The following PAK2 variants were observed in gnomAD, a reference collection of about 807,000 sequenced individuals.
PAK2 encodes the protein serine/threonine-protein kinase PAK 2.
PAK2 carries 21 observed loss-of-function variants against 65.9 expected under a neutral mutation model. The observed-to-expected ratio is 0.32, with a 90% CI of 0.23 to 0.46. PAK2 has a LOEUF of 0.46. PAK2 is among the 20% of genes least tolerant of loss of function. PAK2 has a pLI of 1.00. For missense variants in PAK2, 324 were observed against 642.6 expected (o/e 0.50, Z 5.36); for synonymous variants, 204 against 219.7 (o/e 0.93, Z 0.63).
chr3:196,753,865 T>C (rs938576922), intron 1 of PAK2, among the ~76,000 whole-genome samples: 1 of 152,222 alleles, frequency 6.6e-6, no homozygotes, highest in Admixed American at 6.5e-5. Flanking sequence ...TAGTTCCTTA[T>C]GATCTTTGTA....
chr3:196,807,519 G>T (rs942663458), intron 6 of PAK2, among the ~76,000 whole-genome samples: 1 of 152,018 alleles, frequency 6.6e-6, no homozygotes, highest in African/African-American at 2.4e-5. Flanking sequence ...TTTAGACCTG[G>T]TCACACTTAA....
At chr3:196,821,761 T>A (rs78260806) in intron 13 of PAK2, among the ~76,000 whole-genome samples, 4,906 of 146,794 alleles carry the variant, frequency 0.033, 113 homozygotes, top group Non-Finnish European at 0.052. Flanking sequence ...AAATGGTACA[T>A]CTGCTTTGGA....
At position 196,829,580 on chromosome 3, in the gene PAK2, T is replaced by C. The variant is rs1041139550; in HGVS notation, c.*1175T>C. The C allele has an allele frequency of 1.3e-5, 2 of 152,152 alleles. No homozygotes were observed. The highest frequency in any genetic ancestry group is 6.5e-5 in the Admixed American group (1 of 15,270). 9.4% of individuals were successfully genotyped at this position (152,152 alleles called of 1,614,324 possible). A position where few individuals can be genotyped will look rare whatever the true frequency, so the allele number is the denominator to read the frequency against. On this transcript the variant is annotated 3_prime_UTR_variant, in exon 15 of 15. Coordinates refer to ENST00000327134, the MANE Select transcript of PAK2 (RefSeq NM_002577.4). ...AGATTATACTCATGAAAGAGAATGT[T>C]AGTGTTACAGAGAAGCAGCCGATAG...
chr3:196,757,820 C>T (rs1415317245), intron 1 of PAK2, among the ~76,000 whole-genome samples: 1 of 152,112 alleles, frequency 6.6e-6, no homozygotes, highest in East Asian at 1.9e-4. Flanking sequence ...GCGTTAGATA[C>T]TGAATAGTGA....
chr3:196,803,997 A>G (rs907153339), intron 4 of PAK2, among the ~76,000 whole-genome samples: 3 of 152,192 alleles, frequency 2.0e-5, no homozygotes, highest in Non-Finnish European at 4.4e-5. Flanking sequence ...CCCCTCCCAC[A>G]CACTGGTTCA....
At position 196,807,820 on chromosome 3, in the gene PAK2, A is replaced by G. The variant is rs1230049644; in HGVS notation, c.615A>G (p.Pro205=). 1 of 1,612,576 alleles carries G rather than the reference A, an allele frequency of 6.2e-7. No homozygotes were observed. The highest frequency in any genetic ancestry group is 2.2e-5 in the East Asian group (1 of 44,868). Reference sequence around the variant, plus strand: ...CTGTAATTGACCCTGTTCCTGCACCAGTTGGTGATTCACATGTTGATGGTG... The same window carrying G: ...CTGTAATTGACCCTGTTCCTGCACCGGTTGGTGATTCACATGTTGATGGTG... ...TRSVIDPVPA[P]VGDSHVDGAA... Residue 205 remains proline (P), a synonymous_variant, in exon 7 of 15, where the codon CCA becomes CCG. Transcript: ENST00000327134.
chr3:196,758,662 T>C (rs1376006752), intron 1 of PAK2, among the ~76,000 whole-genome samples: 2 of 152,232 alleles, frequency 1.3e-5, no homozygotes, highest in East Asian at 1.9e-4. Flanking sequence ...TATTTTAGTT[T>C]ATTTTATTTT....
At chr3:196,769,988 G>C (rs1714311510) in intron 1 of PAK2, among the ~76,000 whole-genome samples, 1 of 152,064 alleles carries the variant, frequency 6.6e-6, no homozygotes, top group South Asian at 2.1e-4. Context: ...GGACATGGCA[G>C]CTCACACCTG....
intron 1 of PAK2, among the ~76,000 whole-genome samples, chr3:196,767,896 G>A (rs537761454): frequency 5.0e-4 from 76 of 152,080 alleles, no homozygotes; most frequent in East Asian, 5.8e-4. Context: ...ACCACAGTGC[G>A]GTCTCATCAT....
chr3:196,750,757 A>T (rs5021326), intron 1 of PAK2, among the ~76,000 whole-genome samples: 3,123 of 34,902 alleles, frequency 0.089, 91 homozygotes, highest in African/African-American at 0.2. Context: ...AATAAAGTTT[A>T]AAAAAAAAAA....
At chr3:196,817,985 A>G (rs1711526843) in intron 11 of PAK2, 72 bp from the exon 12 acceptor site, 2 of 682,318 alleles carry the variant, frequency 2.9e-6, no homozygotes, top group African/African-American at 1.8e-5. Context: ...TGCTCAGGCC[A>G]TAGCTACTGC....
At chr3:196,765,348 C>T (rs1270481168) in intron 1 of PAK2, among the ~76,000 whole-genome samples, 1 of 152,056 alleles carries the variant, frequency 6.6e-6, no homozygotes, top group Non-Finnish European at 1.5e-5. Context: ...CGGGGTTTTG[C>T]CATGTTGGCC....
At chr3:196,813,158 G>A (rs1173275201) in intron 10 of PAK2, among the ~76,000 whole-genome samples, 1 of 151,830 alleles carries the variant, frequency 6.6e-6, no homozygotes, top group East Asian at 1.9e-4. Context: ...CTGACAGAGG[G>A]GACTGGTTAC....
intron 1 of PAK2, among the ~76,000 whole-genome samples, chr3:196,761,623 C>G (rs1265365535): frequency 2.2e-5 from 3 of 134,156 alleles, no homozygotes; most frequent in Non-Finnish European, 3.2e-5. Context: ...CCTTTCTATT[C>G]CACAAAGCCG....
rs1712114837 is a variant in PAK2 at position 196,832,233 on chromosome 3, A to G, written c.*3828A>G. ...GAAGTGTTTCTAAGAGAACAGAAGT[A>G]ATAAGAGAAACAGTTACGTGTGGAA... On this transcript the variant is annotated 3_prime_UTR_variant, in exon 15 of 15. Transcript: ENST00000327134. The G allele has an allele frequency of 6.6e-6, 1 of 152,220 alleles. No homozygotes were observed. The highest frequency in any genetic ancestry group is 1.9e-4 in the East Asian group (1 of 5,202). The allele number at this position is 152,220 out of a possible 1,614,324, so 9.4% of individuals were successfully genotyped here. A position where few individuals can be genotyped will look rare whatever the true frequency, so the allele number is the denominator to read the frequency against.
Position 196,803,119 on chromosome 3 carries a change from G to T in PAK2, c.391G>T (p.Asp131Tyr). The change falls in exon 4 of 15, where the codon GAC becomes TAC. Residue 131 changes from aspartate to tyrosine, a missense_variant. Physicochemically the swap from Asp to Tyr is radical, Grantham distance 160 (BLOSUM62 -3). Transcript: ENST00000327134. ...TGTGCTGGATGTCCTAAAGTTCTACGACTCCAACACAGTGAAGCAGAAATA... is the reference window on the plus strand; with the variant it reads ...TGTGCTGGATGTCCTAAAGTTCTACTACTCCAACACAGTGAAGCAGAAATA... ...QAVLDVLKFY[D>Y]SNTVKQKYLS... 6.2e-7 allele frequency: 1 copy of T among 1,612,768 alleles called. No homozygotes were observed. The highest frequency in any genetic ancestry group is 8.5e-7 in the Non-Finnish European group (1 of 1,179,338).
At chr3:196,808,854 C>G (rs2108761794) in intron 7 of PAK2, among the ~76,000 whole-genome samples, 1 of 152,092 alleles carries the variant, frequency 6.6e-6, no homozygotes, top group South Asian at 2.1e-4. Context: ...GAGCGAGACT[C>G]AGTCTCAAAA....
At chr3:196,767,845 A>G (rs1396027217) in intron 1 of PAK2, among the ~76,000 whole-genome samples, 4 of 152,110 alleles carry the variant, frequency 2.6e-5, no homozygotes, top group Non-Finnish European at 5.9e-5. Flanking sequence ...ACTAAAAGCC[A>G]TTATGCAGTG....
intron 1 of PAK2, among the ~76,000 whole-genome samples, chr3:196,759,679 A>G (rs902996590): frequency 3.3e-5 from 5 of 151,448 alleles, no homozygotes; most frequent in African/African-American, 1.2e-4. Context: ...GGCACGCACC[A>G]CCACGCCCAG....
Sources: gnomAD v4.1 joint callset for allele counts (sites outside exome capture counted in the v4.1 genomes callset) on GRCh38, gnomAD v4.1.1 for gene constraint, MANE v1.5 for transcripts, NCBI Gene and HGNC (gene_info 2026-07-23, HGNC 2026-07-21) for gene names.